The following NOTCH2NLA variants were observed in gnomAD, a reference collection of about 807,000 sequenced individuals.
NOTCH2NLA encodes the protein notch homolog 2 N-terminal-like protein A.
intron 2 of NOTCH2NLA, among the ~76,000 whole-genome samples, chr1:146,165,630 G>A (rs1293825341): frequency 1.2e-5 from 1 of 83,870 alleles, no homozygotes. Context: ...AGGGAAAGGA[G>A]GTACAGGAAT....
rs587726210 is a variant in NOTCH2NLA at position 146,186,010 on chromosome 1, G to C, written c.38+3290C>G. 1.2e-4 allele frequency among the ~76,000 whole-genome samples: 16 copies of C among 135,506 alleles called. 2 individuals carry two copies. In the Admixed American group the frequency reaches 1.2e-3, roughly 10 times the overall value. 88.9% of individuals were successfully genotyped at this position (135,506 alleles called of 152,430 possible). A position where few individuals can be genotyped will look rare whatever the true frequency, so the allele number is the denominator to read the frequency against. ...ACACATTATTTTTGCATAAAATTTT[G>C]CTTAAAATTCTGTGGAGGCTGGCAA... On this transcript the variant is annotated intron_variant, in intron 2 of 4. Coordinates refer to ENST00000362074, the Ensembl canonical transcript of NOTCH2NLA.
chr1:146,228,195 G>A (rs1317895532), intron 1 of NOTCH2NLA, among the ~76,000 whole-genome samples: 22 of 146,254 alleles, frequency 1.5e-4, no homozygotes, highest in African/African-American at 4.9e-4. Context: ...CCACACACCC[G>A]GCCCATGTGC....
chr1:146,171,771 GA>G (rs1250216484), intron 2 of NOTCH2NLA, among the ~76,000 whole-genome samples: 1 of 131,868 alleles, frequency 7.6e-6, no homozygotes, highest in Non-Finnish European at 1.7e-5. Context: ...TACTTTTTTA[GA>G]AGCCACAAAA....
At chr1:146,166,051 CA>C (rs1487897966) in intron 2 of NOTCH2NLA, among the ~76,000 whole-genome samples, 1 of 69,914 alleles carries the variant, frequency 1.4e-5, no homozygotes, top group East Asian at 3.1e-4. Context: ...GCTGGTGCCC[CA>C]AATATGTGAT....
chr1:146,228,986 C>A, exon 1 of NOTCH2NLA: 1 of 1,404,962 alleles, frequency 7.1e-7, no homozygotes, highest in Non-Finnish European at 9.2e-7. Flanking sequence ...CCGCCTCAGC[C>A]GCCGCCCGAA....
At chr1:146,159,925 A>G (rs2487611) in intron 3 of NOTCH2NLA, among the ~76,000 whole-genome samples, 5 of 38,730 alleles carry the variant, frequency 1.3e-4, no homozygotes, top group Admixed American at 4.7e-4. Context: ...CCGAGATTGC[A>G]CCCTGCACTC....
chr1:146,198,123 G>GA (rs1235761541), intron 1 of NOTCH2NLA, among the ~76,000 whole-genome samples: 1 of 21,962 alleles, frequency 4.6e-5, no homozygotes, highest in Non-Finnish European at 9.3e-5. Context: ...AAATAAGAAA[G>GA]AAAAAAATGC....
intron 3 of NOTCH2NLA, among the ~76,000 whole-genome samples, chr1:146,159,405 A>AAGAAAGAAAGAAAG (rs1661356746): frequency 1.5e-5 from 2 of 134,640 alleles, no homozygotes; most frequent in Non-Finnish European, 3.3e-5. Flanking sequence ...GAAAGAAAGA[A>AAGAAAGAAAGAAAG]AGAAAGAAAG....
intron 2 of NOTCH2NLA, among the ~76,000 whole-genome samples, chr1:146,185,172 A>G (rs1382956994): frequency 7.3e-6 from 1 of 136,876 alleles, no homozygotes; most frequent in African/African-American, 2.5e-5. Flanking sequence ...ATGTCCTTAA[A>G]ATACATATTT....
chr1:146,185,689 CTTCT>C (rs1428184341), intron 2 of NOTCH2NLA, among the ~76,000 whole-genome samples: 1 of 128,502 alleles, frequency 7.8e-6, no homozygotes, highest in Non-Finnish European at 1.8e-5. Context: ...AGTCAGATTC[CTTCT>C]ATTTTAAAAC....
At chr1:146,204,037 TAA>T (rs1370461796) in intron 1 of NOTCH2NLA, among the ~76,000 whole-genome samples, 3 of 151,128 alleles carry the variant, frequency 2.0e-5, no homozygotes, top group Non-Finnish European at 3.0e-5. Context: ...TAAACTATAA[TAA>T]GTCTATAATA....
intron 2 of NOTCH2NLA, among the ~76,000 whole-genome samples, chr1:146,183,567 C>T (rs1464030664): frequency 5.0e-5 from 6 of 118,874 alleles, no homozygotes; most frequent in African/African-American, 1.4e-4. Context: ...AAATAGGCAC[C>T]GTACTTGAAG....
intron 2 of NOTCH2NLA, among the ~76,000 whole-genome samples, chr1:146,186,501 C>T (rs369161164): frequency 6.0e-3 from 816 of 137,012 alleles, no homozygotes; most frequent in East Asian, 0.021. Context: ...ATTACAGGTG[C>T]GTGCCACCAC....
rs1553817757 is a variant in NOTCH2NLA at position 146,219,706 on chromosome 1, T to C, written c.-45+9003A>G. On this transcript the variant is annotated intron_variant, in intron 1 of 4. Coordinates refer to ENST00000362074, the Ensembl canonical transcript of NOTCH2NLA. Reference sequence around the variant, plus strand: ...TAAGTAATATTTACCACTTATCAAATGGTAAAGATTTTTAAAAATAAAACC... The same window carrying C: ...TAAGTAATATTTACCACTTATCAAACGGTAAAGATTTTTAAAAATAAAACC... Among the ~76,000 whole-genome samples the C allele has an allele frequency of 2.1e-5, 2 of 93,056 alleles. 1 individual carries two copies. The highest frequency in any genetic ancestry group is 1.2e-4 in the African/African-American group (2 of 16,948). The allele number at this position is 93,056 out of a possible 152,430, so 61.0% of individuals were successfully genotyped here. A position where few individuals can be genotyped will look rare whatever the true frequency, so the allele number is the denominator to read the frequency against.
intron 3 of NOTCH2NLA, among the ~76,000 whole-genome samples, chr1:146,159,349 AAGAC>A (rs1267445605): frequency 3.3e-5 from 5 of 150,008 alleles, no homozygotes; most frequent in African/African-American, 7.4e-5. Flanking sequence ...AGAAGAAAGA[AAGAC>A]AGAAAGAGAG....
intron 3 of NOTCH2NLA, among the ~76,000 whole-genome samples, chr1:146,159,421 A>AAGAAAGAAAGAAAGAAAGAAAG: frequency 1.3e-5 from 2 of 150,132 alleles, no homozygotes; most frequent in African/African-American, 4.9e-5. Flanking sequence ...GAAAGAAAGA[A>AAGAAAGAAAGAAAGAAAGAAAG]AGAAAGAAAG....
intron 1 of NOTCH2NLA, 22 bp downstream of exon 1, chr1:146,228,687 C>G (rs1664338775): frequency 6.6e-7 from 1 of 1,506,132 alleles, no homozygotes; most frequent in African/African-American, 1.5e-5. Flanking sequence ...CCGCGGACAG[C>G]GCCCCTCAGC....
At chr1:146,177,756 A>G (rs1282396089) in intron 2 of NOTCH2NLA, among the ~76,000 whole-genome samples, 2 of 128,270 alleles carry the variant, frequency 1.6e-5, no homozygotes, top group African/African-American at 5.1e-5. Flanking sequence ...GGTGCTTTCC[A>G]AAGTCCCTTT....
At chr1:146,188,564 T>TA (rs1449353043) in intron 2 of NOTCH2NLA, among the ~76,000 whole-genome samples, 1 of 33,360 alleles carries the variant, frequency 3.0e-5, no homozygotes, top group Non-Finnish European at 6.7e-5. Context: ...CTTTCAGAAT[T>TA]AGATTTTTTA....
Sources: gnomAD v4.1 joint callset for allele counts (sites outside exome capture counted in the v4.1 genomes callset) on GRCh38, gnomAD v4.1.1 for gene constraint, MANE v1.5 for transcripts, NCBI Gene and HGNC (gene_info 2026-07-23, HGNC 2026-07-21) for gene names.